KDR: variants seen among roughly 807,000 people sequenced by gnomAD.
KDR encodes the protein kinase insert domain receptor, also known as vascular endothelial growth factor receptor 2.
In KDR, 43 loss-of-function variants were observed where a neutral mutation model predicts 160.9. The ratio of observed to expected loss-of-function variants is 0.27; its 90% confidence interval spans 0.21 to 0.34. The LOEUF is 0.34. Among genes scored for constraint, KDR ranks in the 10% least tolerant of loss-of-function variants. The probability of loss-of-function intolerance (pLI) is 1.00; values close to 1 mark genes in which losing one functional copy is unlikely to be tolerated. For missense variants in KDR, 1,469 were observed against 1,666.4 expected, an observed-to-expected ratio of 0.88 and a Z score of 2.06; for synonymous variants, 617 against 600.1, an observed-to-expected ratio of 1.03 and a Z score of -0.41.
chr4:55,087,171 T>G (rs1719885711), intron 27 of KDR, among the ~76,000 whole-genome samples: 1 of 152,226 alleles, frequency 6.6e-6, no homozygotes, highest in South Asian at 2.1e-4. Context: ...GACCCATGGC[T>G]TTCTGTATCC....
chr4:55,105,223 T>A (rs1333740144), intron 12 of KDR, among the ~76,000 whole-genome samples: 1 of 146,976 alleles, frequency 6.8e-6, no homozygotes, highest in African/African-American at 2.5e-5. Context: ...ATCTCCACTA[T>A]GAGCTCTACG....
rs759270473 is a variant in KDR, at chr4:55,102,381, C to T, written c.2115G>A (p.Glu705=). 6.2e-7 allele frequency: 1 copy of T among 1,613,706 alleles called. No individual in the cohort carries two copies. Among genetic ancestry groups the T allele is most frequent in the African/African-American group, 1.3e-5 (1 of 75,012 alleles). Reference sequence around the variant, plus strand: ...ATTTACCTGAGTCTTCTACAAGGGTCTCATTATCTTTAAACCACATGATCT... The same window carrying T: ...ATTTACCTGAGTCTTCTACAAGGGTTTCATTATCTTTAAACCACATGATCT... ...PPQIMWFKDN[E]TLVEDSGIVL... is the part of the protein sequence containing the mutation. The change falls in exon 14 of 30, where the codon GAG becomes GAA. Residue 705 remains glutamate, a synonymous_variant. Transcript: ENST00000263923.
Position 55,104,782 on chromosome 4 carries a change from C to T in KDR, c.1848G>A (p.Met616Ile), listed in dbSNP as rs753716162. ...AAATGTCATTTGTGCTATTAGAGAACATGGTGGCATTCAATTTCCAAAGAG... is the reference window on the plus strand; with the variant it reads ...AAATGTCATTTGTGCTATTAGAGAATATGGTGGCATTCAATTTCCAAAGAG... ...LDTLWKLNAT[M>I]FSNSTNDILI... The change falls in exon 13 of 30, where the codon ATG (methionine) becomes ATA (isoleucine). Residue 616 changes from methionine (M) to isoleucine (I), a missense_variant. Met to Ile is a conservative substitution (Grantham distance 10). Transcript: ENST00000263923. 1.1e-5 allele frequency: 18 copies of T among 1,613,930 alleles called. No homozygotes were observed. The highest frequency in any genetic ancestry group is 6.7e-5 in the Admixed American group (4 of 59,998).
intron 9 of KDR, among the ~76,000 whole-genome samples, chr4:55,108,187 C>T (rs1178422171): frequency 2.9e-5 from 4 of 137,570 alleles, no homozygotes; most frequent in African/African-American, 1.1e-4. Context: ...ATGGTGAGAC[C>T]CCATCTCTAC....
chr4:55,114,208 C>T lies in KDR; in HGVS notation c.716G>A (p.Gly239Glu), dbSNP rs374339331. Reference protein sequence around the residue: ...SPSHGIELSVGEKLVLNCTAR... With the variant: ...SPSHGIELSVEEKLVLNCTAR... ...TGTACAATTTAAGACAAGCTTTTCT[C>T]CAACAGATAGTTCAATTCCATGAGA... The change falls in exon 6 of 30, where the codon GGA becomes GAA. Residue 239 changes from glycine to glutamate, a missense_variant. Coordinates refer to ENST00000263923, the MANE Select transcript of KDR (RefSeq NM_002253.4). 6.8e-6 allele frequency: 11 copies of T among 1,613,852 alleles called. No homozygotes were observed. Among genetic ancestry groups the T allele is most frequent in the Non-Finnish European group, 8.5e-6 (10 of 1,179,908 alleles).
At chr4:55,110,866 T>C (rs1656871642) in intron 7 of KDR, 98 bp from the exon 8 acceptor site, 1 of 954,608 alleles carries the variant, frequency 1.0e-6, no homozygotes, top group Non-Finnish European at 1.6e-6. Flanking sequence ...CTTGAGGGTC[T>C]GAGTAGCTGC....
At chr4:55,103,594 G>T (rs965126631) in intron 13 of KDR, among the ~76,000 whole-genome samples, 2 of 152,138 alleles carry the variant, frequency 1.3e-5, no homozygotes, top group African/African-American at 4.8e-5. Context: ...TGACTTGAAG[G>T]ATGCTGGGGA....
intron 29 of KDR, 49 bp downstream of exon 29, chr4:55,081,907 T>C (rs1719742229): frequency 2.2e-6 from 3 of 1,338,606 alleles, no homozygotes; most frequent in African/African-American, 2.9e-5. Flanking sequence ...CTAAGTTCCT[T>C]CCAAAAATTC....
intron 2 of KDR, among the ~76,000 whole-genome samples, chr4:55,119,724 A>G (rs1219391038): frequency 6.6e-6 from 1 of 152,146 alleles, no homozygotes; most frequent in Admixed American, 6.6e-5. Context: ...GTAAGAAGTG[A>G]GGTTAGGAAG....
At chr4:55,091,251 A>C (rs1720005139) in intron 22 of KDR, among the ~76,000 whole-genome samples, 1 of 152,212 alleles carries the variant, frequency 6.6e-6, no homozygotes, top group Admixed American at 6.5e-5. Context: ...CCTCTGAACA[A>C]GGCATATTCA....
At chr4:55,084,445 A>G (rs924601226) in intron 27 of KDR, among the ~76,000 whole-genome samples, 3 of 152,218 alleles carry the variant, frequency 2.0e-5, no homozygotes, top group Non-Finnish European at 4.4e-5. Flanking sequence ...ACAATAATTC[A>G]GCTGCCTTAG....
At chr4:55,106,845 T>C in intron 10 of KDR, 35 bp from the exon 11 acceptor site, 2 of 1,577,844 alleles carry the variant, frequency 1.3e-6, no homozygotes, top group Non-Finnish European at 1.7e-6. Context: ...TATTATGATT[T>C]AATTTTTCTT....
chr4:55,099,505 AT>A (rs1187974835), intron 15 of KDR, among the ~76,000 whole-genome samples: 5 of 152,184 alleles, frequency 3.3e-5, no homozygotes, highest in East Asian at 1.9e-4. Flanking sequence ...AGAAAAAAAA[AT>A]ATTTCTATTT....
chr4:55,124,713 A>C lies in KDR; in HGVS notation c.67+514T>G, dbSNP rs549165466. Among the ~76,000 whole-genome samples, 29 of 151,530 alleles carry C rather than the reference A, an allele frequency of 1.9e-4. 1 individual carries two copies. In the East Asian group the frequency reaches 4.5e-3, roughly 24 times the overall value. The stretch of plus-strand genomic sequence containing the variant: ...GACCCCACTTCACACAGTGGTGTGC[A>C]AGTGTGTTCGAGCATGAAGACAACA... On this transcript the variant is annotated intron_variant, in intron 1 of 29. Coordinates refer to ENST00000263923, the MANE Select transcript of KDR (RefSeq NM_002253.4).
chr4:55,111,618 C>T (rs906705025), intron 7 of KDR, among the ~76,000 whole-genome samples: 1 of 152,188 alleles, frequency 6.6e-6, no homozygotes, highest in Non-Finnish European at 1.5e-5. Flanking sequence ...CCCTATTTCC[C>T]TGAAGTATTC....
chr4:55,105,102 G>A, intron 12 of KDR, 118 bp from the exon 13 acceptor site: 1 of 826,342 alleles, frequency 1.2e-6, no homozygotes, highest in Admixed American at 2.0e-5. Flanking sequence ...ATCCGTTCCA[G>A]GTGATGTACT....
chr4:55,090,849 C>CTTT lies in KDR; in HGVS notation c.3070-774_3070-772dup, dbSNP rs61138010. On this transcript the variant is annotated intron_variant, in intron 22 of 29. Coordinates refer to ENST00000263923, the MANE Select transcript of KDR (RefSeq NM_002253.4). ...AATGAATCAATGGCTTAGAAGAAAA[C>CTTT]TTTTTTTTTTTTTTTTTTTTTTTTT... 5.6e-3 allele frequency among the ~76,000 whole-genome samples: 475 copies of CTTT among 84,096 alleles called. 1 individual carries two copies. Among genetic ancestry groups the CTTT allele is most frequent in the Middle Eastern group, 0.016 (1 of 62 alleles). 55.2% of individuals were successfully genotyped at this position (84,096 alleles called of 152,430 possible).
chr4:55,102,464 T>C lies in KDR; in HGVS notation c.2032A>G (p.Thr678Ala). 1.2e-6 allele frequency: 2 copies of C among 1,613,820 alleles called. No homozygotes were observed. Among genetic ancestry groups the C allele is most frequent in the Non-Finnish European group, 1.7e-6 (2 of 1,179,776 alleles). The change falls in exon 14 of 30, where the codon ACA (threonine) becomes GCA (alanine). Residue 678 changes from threonine to alanine, a missense_variant. This residue lies in a region of KDR where 792 missense variants were observed against 840.9 expected (regional missense o/e 0.94). Transcript: ENST00000263923. Reference protein sequence around the residue: ...TITGNLENQTTSIGESIEVSC... With the variant: ...TITGNLENQTASIGESIEVSC... ...ACTTCGATGCTTTCCCCAATACTTG[T>C]CGTCTGATTCTCCAGGTTTCCTGTG...
At chr4:55,085,418 A>C (rs1026359892) in intron 27 of KDR, among the ~76,000 whole-genome samples, 9 of 152,216 alleles carry the variant, frequency 5.9e-5, no homozygotes, top group Non-Finnish European at 8.8e-5. Context: ...TAGAATTGAA[A>C]ATTAGAAGGA....
Sources: gnomAD v4.1 joint callset for allele counts (sites outside exome capture counted in the v4.1 genomes callset) on GRCh38, gnomAD v4.1.1 for gene constraint, gnomAD v4.1.1 regional missense constraint, MANE v1.5 for transcripts, NCBI Gene and HGNC (gene_info 2026-07-23, HGNC 2026-07-21) for gene names.